Variants in C5AR1 observed in about 807,000 individuals in gnomAD.
C5AR1 encodes complement C5a receptor 1, also known as C5a anaphylatoxin chemotactic receptor 1.
In C5AR1, 4 loss-of-function variants were observed where a neutral mutation model predicts 2.4. The ratio of observed to expected loss-of-function variants is 1.65; its 90% CI spans 0.81 to 3.77. The LOEUF (loss-of-function observed/expected upper bound fraction) is 3.77. Ranked by LOEUF, C5AR1 falls within the 30% of genes most tolerant of loss-of-function variation. C5AR1 has a pLI of 0.01. For synonymous variants in C5AR1, 209 were observed against 210.4 expected (o/e 0.99, Z 0.06); for missense variants, 418 against 462.5 (o/e 0.90, Z 0.88).
intron 1 of C5AR1, among the ~76,000 whole-genome samples, chr19:47,312,824 A>G (rs2122130849): frequency 6.6e-6 from 1 of 152,130 alleles, no homozygotes; most frequent in Middle Eastern, 3.4e-3. Flanking sequence ...GCATGCCACC[A>G]CACCCAGCTA....
chr19:47,310,047 C>G (rs2059265167), intron 1 of C5AR1, 149 bp downstream of exon 1: 1 of 741,376 alleles, frequency 1.3e-6, no homozygotes, highest in Non-Finnish European at 2.2e-6. Flanking sequence ...CACCTCCCAC[C>G]TTCCCTCTCT....
At chr19:47,310,915 G>T (rs541165582) in intron 1 of C5AR1, among the ~76,000 whole-genome samples, 1 of 152,280 alleles carries the variant, frequency 6.6e-6, no homozygotes, top group Non-Finnish European at 1.5e-5. Context: ...TTCTGTGAGT[G>T]TCAGAAGGAA....
In C5AR1 at chr19:47,321,038, G is replaced by A; in HGVS notation, c.*208G>A. On this transcript the variant is annotated 3_prime_UTR_variant, in exon 2 of 2. Coordinates refer to ENST00000355085, the MANE Select transcript of C5AR1 (RefSeq NM_001736.4). ...TTGCAAGGTGAACACTTCCTTCTAG[G>A]GAGCACCCTCCCACCCCCCACCCCC... 1 of 380,768 alleles carries A rather than the reference G, an allele frequency of 2.6e-6. No homozygotes were observed. The allele number at this position is 380,768 out of a possible 1,614,324, so 23.6% of individuals were successfully genotyped here. A position where few individuals can be genotyped will look rare whatever the true frequency, so the allele number is the denominator to read the frequency against.
intron 1 of C5AR1, among the ~76,000 whole-genome samples, 172 bp downstream of exon 1, chr19:47,310,070 G>A (rs867842064): frequency 6.6e-6 from 1 of 151,962 alleles, no homozygotes; most frequent in South Asian, 2.1e-4. Flanking sequence ...TGCATCCCAG[G>A]CTCTCACACT....
chr19:47,317,278 C>G (rs11083872), intron 1 of C5AR1, among the ~76,000 whole-genome samples: 149,911 of 151,514 alleles, frequency 0.99, 74,175 homozygotes, highest in East Asian at 1. Context: ...AGACCAAGGC[C>G]GGAGGATTGC....
chr19:47,311,515 G>GA (rs199728588), intron 1 of C5AR1, among the ~76,000 whole-genome samples: 28,462 of 146,122 alleles, frequency 0.19, 2,715 homozygotes, highest in Middle Eastern at 0.37. Flanking sequence ...AACAAACATA[G>GA]AAAAAAAAAA....
intron 1 of C5AR1, among the ~76,000 whole-genome samples, chr19:47,318,780 T>C (rs2059298046): frequency 6.6e-6 from 1 of 152,064 alleles, no homozygotes; most frequent in Non-Finnish European, 1.5e-5. Context: ...TACAAGGCTT[T>C]CTCCAGTCCA....
rs1599733160 is a variant in C5AR1 at position 47,320,871 on chromosome 19, C to T, written c.*41C>T. On this transcript the variant is annotated 3_prime_UTR_variant, in exon 2 of 2. Transcript: ENST00000355085. The surrounding 1 kb of genome is among the most constrained non-coding windows in gnomAD (Gnocchi z 4.9). ...GCCACTGTGGCCCGATGTCCCCTTC[C>T]TTCCCGGCCATTCTCCCTCTTGTTT... 3 of 1,530,506 alleles carry T rather than the reference C, an allele frequency of 2.0e-6. No individual in the cohort carries two copies. Among genetic ancestry groups the T allele is most frequent in the African/African-American group, 1.4e-5 (1 of 72,490 alleles). 94.8% of individuals were successfully genotyped at this position (1,530,506 alleles called of 1,614,324 possible).
intron 1 of C5AR1, among the ~76,000 whole-genome samples, chr19:47,317,073 G>C (rs1232883551): frequency 6.6e-6 from 1 of 150,688 alleles, no homozygotes; most frequent in Non-Finnish European, 1.5e-5. Flanking sequence ...CACAATTGTA[G>C]TCCTAGCTAC....
At chr19:47,318,712 C>CAGTGCCCTG (rs1467561586) in intron 1 of C5AR1, among the ~76,000 whole-genome samples, 1 of 152,060 alleles carries the variant, frequency 6.6e-6, no homozygotes, top group Non-Finnish European at 1.5e-5. Context: ...GGTGATCACT[C>CAGTGCCCTG]AGTGCCCTGA....
chr19:47,314,891 A>G (rs1233181530), intron 1 of C5AR1, among the ~76,000 whole-genome samples: 2 of 151,878 alleles, frequency 1.3e-5, no homozygotes, highest in African/African-American at 4.8e-5. Flanking sequence ...ACGGGGTTTC[A>G]CTATGTTGGC....
At chr19:47,309,183 G>C (rs1006937386), upstream of C5AR1, among the ~76,000 whole-genome samples, 4 of 152,130 alleles carry the variant, frequency 2.6e-5, no homozygotes, top group African/African-American at 9.7e-5. Flanking sequence ...CTGAGTGGAG[G>C]TTACAGTCTC....
rs2059308717 is a variant in C5AR1 at position 47,321,005 on chromosome 19, T to A, written c.*175T>A. 3.5e-6 allele frequency: 2 copies of A among 569,496 alleles called. No homozygotes were observed. Among genetic ancestry groups the A allele is most frequent in the South Asian group, 4.3e-5 (2 of 46,534 alleles). The allele number at this position is 569,496 out of a possible 1,614,324, so 35.3% of individuals were successfully genotyped here. On this transcript the variant is annotated 3_prime_UTR_variant, in exon 2 of 2. Coordinates refer to ENST00000355085, the MANE Select transcript of C5AR1 (RefSeq NM_001736.4). ...TTTTCCAGCGGGACTCTTCTCATCC[T>A]TCCTCATTTGCAAGGTGAACACTTC...
chr19:47,320,531 T>C lies in C5AR1; in HGVS notation c.754T>C (p.Phe252Leu). 1.2e-6 allele frequency: 2 copies of C among 1,613,814 alleles called. No individual in the cohort carries two copies. Among genetic ancestry groups the C allele is most frequent in the South Asian group, 2.2e-5 (2 of 91,066 alleles). The change falls in exon 2 of 2, where the codon TTT (phenylalanine) becomes CTT (leucine). Residue 252 changes from phenylalanine to leucine, a missense_variant. Phe to Leu is a conservative substitution (Grantham distance 22). Transcript: ENST00000355085. This position sits in a 1 kb window ranked among gnomAD's most constrained non-coding sequence, Gnocchi z 4.9. ...GGTGGTGGCAGTGGTGGCCAGTTTC[T>C]TTATCTTCTGGTTGCCCTACCAGGT... ...KVVVAVVASF[F>L]IFWLPYQVTG... is the part of the protein sequence containing the mutation.
chr19:47,307,692 G>T (rs796425211), upstream of C5AR1: 1 of 152,158 alleles, frequency 6.6e-6, no homozygotes, highest in African/African-American at 2.4e-5. Context: ...CAGCAGCCTC[G>T]GGAAGGTAAT....
At chr19:47,319,471 G>A (rs1278620677) in intron 1 of C5AR1, among the ~76,000 whole-genome samples, 1 of 151,528 alleles carries the variant, frequency 6.6e-6, no homozygotes, top group African/African-American at 2.4e-5. Flanking sequence ...ACCACGCCTG[G>A]CTAATTTTTG....
At position 47,320,113 on chromosome 19, in the gene C5AR1, G is replaced by GCCCT; in HGVS notation, c.342_345dup (p.Ile116ProfsTer26). The GCCCT allele has an allele frequency of 6.2e-7, 1 of 1,614,118 alleles. No homozygotes were observed. Among genetic ancestry groups the GCCCT allele is most frequent in the Non-Finnish European group, 8.5e-7 (1 of 1,180,032 alleles). ...TTGGCGGGGCCGCCTGCAGCATCCTGCCCTCCCTCATCCTGCTCAACATGT... is the reference window on the plus strand; with the variant it reads ...TTGGCGGGGCCGCCTGCAGCATCCTGCCCTCCCTCCCTCATCCTGCTCAACATGT... On this transcript the variant is annotated frameshift_variant, in exon 2 of 2. Coordinates refer to ENST00000355085, the MANE Select transcript of C5AR1 (RefSeq NM_001736.4). LOFTEE classifies it low-confidence loss of function (END_TRUNC). The surrounding 1 kb of genome is among the most constrained non-coding windows in gnomAD (Gnocchi z 4.9).
chr19:47,315,393 C>A lies in C5AR1; in HGVS notation c.4-4388C>A, dbSNP rs575381426. On this transcript the variant is annotated intron_variant, in intron 1 of 1. Transcript: ENST00000355085. ...CGTATTTTTTCTGCCTTTCTGAAGT[C>A]AACCAGAGGAAAGGACTGAGTGAGC... Among the ~76,000 whole-genome samples the A allele has an allele frequency of 1.1e-4, 17 of 152,234 alleles. No homozygotes were observed. The East Asian group carries it at 3.3e-3, about 29-fold the overall frequency.
chr19:47,309,755 C>A, upstream of C5AR1: 1 of 790,946 alleles, frequency 1.3e-6, no homozygotes. Flanking sequence ...GCTCTGGCCT[C>A]AGTGCCCAGT....
Sources: allele counts gnomAD v4.1 joint callset (sites outside exome capture counted in the v4.1 genomes callset), GRCh38; gene constraint gnomAD v4.1.1; non-coding constraint Gnocchi (gnomAD v3.1); transcripts MANE v1.5; gene names NCBI Gene and HGNC (gene_info 2026-07-23, HGNC 2026-07-21).